Variants in KDM2A observed in about 807,000 individuals in gnomAD.
KDM2A encodes the protein lysine-specific demethylase 2A.
A neutral mutation model predicts 137.3 loss-of-function variants in KDM2A; 3 were observed. The ratio of observed to expected loss-of-function variants is 0.02; its 90% CI spans 0.01 to 0.06. The LOEUF (loss-of-function observed/expected upper bound fraction) is 0.06. Among genes scored for constraint, KDM2A ranks in the 10% least tolerant of loss-of-function variants. The pLI is 1.00. For missense variants in KDM2A, 738 were observed against 1,510.6 expected (o/e 0.49, Z 8.48); for synonymous variants, 512 against 541.5 (o/e 0.95, Z 0.76).
intron 2 of KDM2A, among the ~76,000 whole-genome samples, chr11:67,148,632 C>T (rs1856311978): frequency 6.6e-6 from 1 of 151,922 alleles, no homozygotes; most frequent in South Asian, 2.1e-4. Context: ...GAAACACAGT[C>T]TCTACTAAAA....
At position 67,228,109 on chromosome 11, in the gene KDM2A, A is replaced by G. The variant is rs1472067191; in HGVS notation, c.1030A>G (p.Ile344Val). Residue 344 changes from isoleucine (I) to valine (V), a missense_variant, in exon 11 of 21, where the codon ATA becomes GTA. This residue lies in a region of KDM2A where 113 missense variants were observed against 133.5 expected (regional missense o/e 0.85). Coordinates refer to ENST00000529006, the MANE Select transcript of KDM2A (RefSeq NM_012308.3). ...TGTGTTGGAGCGCTATGTGTACTGC[A>G]TAACCAACCGTTCCCACCTAACTAA... ...WYVLERYVYCITNRSHLTKEF... is the reference protein window; with the variant it reads ...WYVLERYVYCVTNRSHLTKEF... The G allele has an allele frequency of 1.2e-6, 2 of 1,613,448 alleles. No individual in the cohort carries two copies. The highest frequency in any genetic ancestry group is 1.7e-6 in the Non-Finnish European group (2 of 1,179,408).
At chr11:67,141,368 T>G (rs1295218170) in intron 2 of KDM2A, among the ~76,000 whole-genome samples, 1 of 152,028 alleles carries the variant, frequency 6.6e-6, no homozygotes, top group Non-Finnish European at 1.5e-5. Context: ...TTTTGAAATA[T>G]ACAATTCATT....
chr11:67,169,955 A>C (rs890013683), intron 2 of KDM2A, among the ~76,000 whole-genome samples: 1 of 151,484 alleles, frequency 6.6e-6, no homozygotes, highest in Non-Finnish European at 1.5e-5. Context: ...ATGGGGTTTC[A>C]CCATGCTGGC....
At chr11:67,168,025 C>A (rs1186209522) in intron 2 of KDM2A, among the ~76,000 whole-genome samples, 1 of 152,062 alleles carries the variant, frequency 6.6e-6, no homozygotes, top group Non-Finnish European at 1.5e-5. Context: ...GCAGTGATTC[C>A]GACTCTTTTT....
At chr11:67,242,291 TG>T (rs1480576677) in intron 12 of KDM2A, among the ~76,000 whole-genome samples, 3 of 151,736 alleles carry the variant, frequency 2.0e-5, no homozygotes, top group Admixed American at 6.6e-5. Context: ...TGTGTGTGTG[TG>T]TGTGTGTGTG....
At chr11:67,222,079 T>A (rs1342156083) in intron 10 of KDM2A, among the ~76,000 whole-genome samples, 41 of 106,648 alleles carry the variant, frequency 3.8e-4, no homozygotes, top group Admixed American at 1.6e-3. Context: ...TTTTTTTTTT[T>A]AATTTATTTT....
chr11:67,253,879 T>C (rs377420514), intron 19 of KDM2A, among the ~76,000 whole-genome samples: 11 of 152,090 alleles, frequency 7.2e-5, no homozygotes, highest in South Asian at 2.1e-4. Context: ...GAGAAGGCTT[T>C]ATGGTGGAGG....
intron 2 of KDM2A, among the ~76,000 whole-genome samples, chr11:67,150,206 TTC>T (rs763597728): frequency 4.6e-5 from 7 of 152,230 alleles, no homozygotes; most frequent in Non-Finnish European, 8.8e-5. Flanking sequence ...GCATTTGTTT[TTC>T]TAGCCGATAA....
chr11:67,237,373 A>G (rs1400432733), intron 12 of KDM2A, among the ~76,000 whole-genome samples: 4 of 152,158 alleles, frequency 2.6e-5, no homozygotes, highest in African/African-American at 9.7e-5. Flanking sequence ...TAATAGAACT[A>G]GAAGAAGACC....
intron 2 of KDM2A, among the ~76,000 whole-genome samples, chr11:67,147,009 A>G (rs1226266615): frequency 6.6e-6 from 1 of 152,136 alleles, no homozygotes; most frequent in Non-Finnish European, 1.5e-5. Context: ...AATTTGTAGC[A>G]ATAGTTAAAA....
intron 5 of KDM2A, among the ~76,000 whole-genome samples, chr11:67,201,311 C>T (rs1857617970): frequency 6.6e-6 from 1 of 151,196 alleles, no homozygotes; most frequent in Admixed American, 6.6e-5. Flanking sequence ...AATTGAAAAA[C>T]ATCTGGAAAG....
chr11:67,140,080 A>G (rs1160130915), intron 2 of KDM2A, among the ~76,000 whole-genome samples: 2 of 151,954 alleles, frequency 1.3e-5, no homozygotes, highest in Admixed American at 6.6e-5. Context: ...TGGTTTGTGG[A>G]TTGGGTACGG....
intron 6 of KDM2A, among the ~76,000 whole-genome samples, chr11:67,209,102 G>A (rs1281434387): frequency 6.6e-6 from 1 of 151,524 alleles, no homozygotes; most frequent in Non-Finnish European, 1.5e-5. Flanking sequence ...GCTAATTTTT[G>A]TATTTTTTTT....
intron 10 of KDM2A, among the ~76,000 whole-genome samples, chr11:67,219,965 A>G (rs1228758218): frequency 6.6e-6 from 1 of 151,778 alleles, no homozygotes; most frequent in East Asian, 1.9e-4. Flanking sequence ...ATTTTATTTT[A>G]TTTTATTTTT....
At chr11:67,244,432 G>A (rs1034864325) in intron 13 of KDM2A, among the ~76,000 whole-genome samples, 1 of 152,166 alleles carries the variant, frequency 6.6e-6, no homozygotes, top group African/African-American at 2.4e-5. Context: ...TTCTTTAGGA[G>A]TATAATCTGA....
intron 2 of KDM2A, among the ~76,000 whole-genome samples, chr11:67,146,870 A>G (rs1856260251): frequency 6.6e-6 from 1 of 152,094 alleles, no homozygotes; most frequent in African/African-American, 2.4e-5. Flanking sequence ...GATTTTATCT[A>G]TTTATTATTC....
intron 5 of KDM2A, among the ~76,000 whole-genome samples, chr11:67,198,670 A>G (rs527655202): frequency 2.4e-4 from 36 of 150,854 alleles, no homozygotes; most frequent in Non-Finnish European, 4.0e-4. Flanking sequence ...AGATCCCGCC[A>G]CTGCACTCCA....
In KDM2A at chr11:67,162,904, G is replaced by T. The variant is rs117001685; in HGVS notation, c.43-17175G>T. On this transcript the variant is annotated intron_variant, in intron 2 of 20. Coordinates refer to ENST00000529006, the MANE Select transcript of KDM2A (RefSeq NM_012308.3). ...AATTTAATAAATTTTTTAGAGATGG[G>T]GTCTGGCATTGTGTCCAAGCAGGTC... 4.6e-5 allele frequency among the ~76,000 whole-genome samples: 7 copies of T among 151,938 alleles called. No homozygotes were observed. The East Asian group carries it at 1.4e-3, about 29-fold the overall frequency.
At chr11:67,205,278 TC>T (rs1027301444) in intron 5 of KDM2A, among the ~76,000 whole-genome samples, 8 of 152,212 alleles carry the variant, frequency 5.3e-5, no homozygotes, top group Non-Finnish European at 8.8e-5. Flanking sequence ...GTAGGTTCTG[TC>T]CATTGCCTTA....
Sources: allele counts gnomAD v4.1 joint callset (sites outside exome capture counted in the v4.1 genomes callset), GRCh38; gene constraint gnomAD v4.1.1; regional missense constraint gnomAD v4.1.1; transcripts MANE v1.5; gene names NCBI Gene and HGNC (gene_info 2026-07-23, HGNC 2026-07-21).